Variants in SGCZ observed in about 807,000 individuals in gnomAD.
SGCZ encodes sarcoglycan zeta.
A neutral mutation model predicts 41.3 loss-of-function variants in SGCZ; 40 were observed. That is an observed-to-expected ratio of 0.97 (90% CI 0.75 to 1.26). The LOEUF (loss-of-function observed/expected upper bound fraction) is 1.26. SGCZ is among the 50% of genes most tolerant of loss of function. The pLI is 0.00. For synonymous variants in SGCZ, 206 were observed against 137.5 expected (o/e 1.50, Z -3.49); for missense variants, 552 against 369.8 (o/e 1.49, Z -4.04).
chr8:14,625,760 A>C (rs1806434756), intron 1 of SGCZ, among the ~76,000 whole-genome samples: 2 of 152,068 alleles, frequency 1.3e-5, no homozygotes, highest in South Asian at 4.1e-4. Flanking sequence ...ATTCTCCCCC[A>C]AGTTTGAATT....
chr8:15,232,768 T>C lies in SGCZ; in HGVS notation c.39+4817A>G, dbSNP rs1427302666. On this transcript the variant is annotated intron_variant, in intron 1 of 7. Transcript: ENST00000382080. ...GTATATATATACATATATATGTGTG[T>C]ATATATATACATATATATGTGTGTA... is the stretch of plus-strand genomic sequence containing the variant. 7.0e-5 allele frequency among the ~76,000 whole-genome samples: 10 copies of C among 141,856 alleles called. No homozygotes were observed. In the Admixed American group the frequency reaches 7.6e-4, roughly 11 times the overall value. The allele number at this position is 141,856 out of a possible 152,430, so 93.1% of individuals were successfully genotyped here. A position where few individuals can be genotyped will look rare whatever the true frequency, so the allele number is the denominator to read the frequency against.
chr8:14,249,107 T>C (rs888404884), intron 3 of SGCZ, among the ~76,000 whole-genome samples: 2 of 152,154 alleles, frequency 1.3e-5, no homozygotes, highest in African/African-American at 4.8e-5. Flanking sequence ...GAGATGAACA[T>C]TTGAATCAGT....
intron 1 of SGCZ, among the ~76,000 whole-genome samples, chr8:14,957,029 A>C (rs933650828): frequency 2.0e-5 from 3 of 152,182 alleles, no homozygotes; most frequent in Non-Finnish European, 1.5e-5. Context: ...GATAGAAAAA[A>C]ACAACCCTGG....
intron 1 of SGCZ, among the ~76,000 whole-genome samples, chr8:14,881,079 A>T (rs1205624092): frequency 6.6e-6 from 1 of 152,150 alleles, no homozygotes; most frequent in South Asian, 2.1e-4. Context: ...AATTCTTTGA[A>T]CTCATTTCCC....
chr8:14,773,203 T>G (rs1481948627), intron 1 of SGCZ, among the ~76,000 whole-genome samples: 1 of 152,212 alleles, frequency 6.6e-6, no homozygotes, highest in African/African-American at 2.4e-5. Flanking sequence ...TTTTCATGTG[T>G]CTTTTGGCTG....
chr8:14,731,032 T>G (rs966870489), intron 1 of SGCZ, among the ~76,000 whole-genome samples: 1 of 151,688 alleles, frequency 6.6e-6, no homozygotes, highest in Non-Finnish European at 1.5e-5. Context: ...ACCCCATTAC[T>G]AGGTATATAC....
At chr8:14,490,515 C>A (rs1314547064) in intron 2 of SGCZ, among the ~76,000 whole-genome samples, 1 of 152,138 alleles carries the variant, frequency 6.6e-6, no homozygotes, top group Non-Finnish European at 1.5e-5. Context: ...TGATTCTCAT[C>A]CCCTTACTCT....
At chr8:14,777,002 C>T (rs1375709369) in intron 1 of SGCZ, among the ~76,000 whole-genome samples, 2 of 152,128 alleles carry the variant, frequency 1.3e-5, no homozygotes, top group East Asian at 3.9e-4. Context: ...CAGACAGCAT[C>T]AGAAAGCCAG....
At chr8:14,454,634 G>A (rs576174617) in intron 2 of SGCZ, among the ~76,000 whole-genome samples, 1 of 152,088 alleles carries the variant, frequency 6.6e-6, no homozygotes, top group Admixed American at 6.6e-5. Context: ...TGCCCTAAAA[G>A]GTAAAAACAA....
At chr8:15,152,935 G>T (rs938754068) in intron 1 of SGCZ, among the ~76,000 whole-genome samples, 1 of 152,154 alleles carries the variant, frequency 6.6e-6, no homozygotes, top group African/African-American at 2.4e-5. Flanking sequence ...CTGGGTAGAG[G>T]AAAGGGTTTT....
chr8:14,732,688 G>A (rs1022025228), intron 1 of SGCZ, among the ~76,000 whole-genome samples: 1 of 152,154 alleles, frequency 6.6e-6, no homozygotes, highest in Admixed American at 6.5e-5. Context: ...TTTCCGAATA[G>A]GTCTTTTCCT....
intron 2 of SGCZ, among the ~76,000 whole-genome samples, chr8:14,392,698 C>A (rs1048321381): frequency 1.3e-5 from 2 of 152,166 alleles, no homozygotes; most frequent in South Asian, 2.1e-4. Flanking sequence ...AAAAACAGAA[C>A]AATTATTTTT....
intron 1 of SGCZ, among the ~76,000 whole-genome samples, chr8:14,800,667 G>A (rs1183804278): frequency 1.3e-5 from 2 of 152,078 alleles, no homozygotes; most frequent in South Asian, 2.1e-4. Context: ...TGCCATGTAA[G>A]ACGTGCTTTG....
intron 1 of SGCZ, among the ~76,000 whole-genome samples, chr8:15,170,790 T>TA (rs1029999759): frequency 2.0e-5 from 3 of 152,164 alleles, no homozygotes; most frequent in African/African-American, 7.2e-5. Flanking sequence ...CCTATAGGAA[T>TA]AAAAAACATC....
intron 7 of SGCZ, among the ~76,000 whole-genome samples, chr8:14,095,038 T>C (rs974162070): frequency 5.3e-5 from 8 of 152,186 alleles, no homozygotes; most frequent in African/African-American, 1.7e-4. Context: ...CTTTGTCAGA[T>C]GGGTACATTG....
rs1305212569 is a variant in SGCZ, at chr8:15,056,461, A to C, written c.39+181124T>G. Among the ~76,000 whole-genome samples the C allele has an allele frequency of 3.3e-5, 5 of 152,176 alleles. No individual in the cohort carries two copies. In the South Asian group the frequency reaches 1.0e-3, roughly 31 times the overall value. Reference sequence around the variant, plus strand: ...GTGCCAGGCCCATTGTAAGTTGAACAAAAAACTCACTATTAATGAATAAAT... The same window carrying C: ...GTGCCAGGCCCATTGTAAGTTGAACCAAAAACTCACTATTAATGAATAAAT... On this transcript the variant is annotated intron_variant, in intron 1 of 7. Transcript: ENST00000382080.
intron 1 of SGCZ, among the ~76,000 whole-genome samples, chr8:14,591,850 A>G (rs1189696087): frequency 1.3e-5 from 2 of 152,284 alleles, no homozygotes; most frequent in South Asian, 2.1e-4. Flanking sequence ...GCTTTCCTCT[A>G]TATTGTCGAT....
rs530967023 is a variant in SGCZ, at chr8:14,760,173, T to C, written c.40-205247A>G. 2.6e-5 allele frequency among the ~76,000 whole-genome samples: 4 copies of C among 152,258 alleles called. No homozygotes were observed. In the South Asian group the frequency reaches 8.3e-4, roughly 32 times the overall value. On this transcript the variant is annotated intron_variant, in intron 1 of 7. Coordinates refer to ENST00000382080, the MANE Select transcript of SGCZ (RefSeq NM_139167.4). ...GTAAATAAATGACTATGCCCGGAAA[T>C]AATTATATCACCTGTGATTCTTTCT...
intron 1 of SGCZ, among the ~76,000 whole-genome samples, chr8:14,904,271 G>C (rs542009481): frequency 6.6e-6 from 1 of 151,996 alleles, no homozygotes; most frequent in South Asian, 2.1e-4. Flanking sequence ...CATCCCTGTG[G>C]TCGTTCCTGA....
Sources: allele counts gnomAD v4.1 joint callset (sites outside exome capture counted in the v4.1 genomes callset), GRCh38; gene constraint gnomAD v4.1.1; transcripts MANE v1.5; gene names NCBI Gene and HGNC (gene_info 2026-07-23, HGNC 2026-07-21).